The following FBXL17 variants were observed in gnomAD, a reference collection of about 807,000 sequenced individuals.
FBXL17 encodes the protein F-box/LRR-repeat protein 17.
FBXL17 carries 22 observed loss-of-function variants against 66.2 expected under a neutral mutation model. That is an observed-to-expected ratio of 0.33 (90% CI 0.24 to 0.47). The LOEUF (loss-of-function observed/expected upper bound fraction) is 0.47. Ranked by LOEUF, FBXL17 falls within the 20% of genes least tolerant of loss-of-function variation. The pLI is 1.00. For synonymous variants in FBXL17, 474 were observed against 400.5 expected (o/e 1.18, Z -2.19); for missense variants, 878 against 948.2 (o/e 0.93, Z 0.97).
chr5:107,913,301 T>G (rs1750011035), intron 7 of FBXL17, among the ~76,000 whole-genome samples: 1 of 152,066 alleles, frequency 6.6e-6, no homozygotes, highest in Non-Finnish European at 1.5e-5. Context: ...TTTGTTGCCT[T>G]AGTTACATTC....
At chr5:108,360,562 T>C (rs890553093) in intron 3 of FBXL17, among the ~76,000 whole-genome samples, 2 of 152,152 alleles carry the variant, frequency 1.3e-5, no homozygotes, top group African/African-American at 4.8e-5. Context: ...TGTCTCAGTG[T>C]ATATCTCTTT....
At chr5:107,930,122 G>C (rs1750681432) in intron 7 of FBXL17, among the ~76,000 whole-genome samples, 1 of 152,106 alleles carries the variant, frequency 6.6e-6, no homozygotes, top group African/African-American at 2.4e-5. Context: ...CAGTAATTCT[G>C]ATCTTACTTC....
intron 7 of FBXL17, among the ~76,000 whole-genome samples, chr5:107,883,888 T>C (rs1182445981): frequency 1.3e-5 from 2 of 152,068 alleles, no homozygotes; most frequent in Non-Finnish European, 2.9e-5. Context: ...GGATGAGTAA[T>C]GGTTTTCCAG....
chr5:107,967,209 A>T (rs1282748591), intron 7 of FBXL17, among the ~76,000 whole-genome samples: 1 of 151,810 alleles, frequency 6.6e-6, no homozygotes, highest in Non-Finnish European at 1.5e-5. Flanking sequence ...TATACCAAGG[A>T]GATTGAGAAT....
chr5:108,014,572 G>A (rs1363971389), intron 7 of FBXL17, among the ~76,000 whole-genome samples: 2 of 152,146 alleles, frequency 1.3e-5, no homozygotes, highest in Admixed American at 1.3e-4. Context: ...AGTTGTCACT[G>A]CTCAGTCTTT....
At chr5:108,349,530 T>C (rs1747507969) in intron 3 of FBXL17, among the ~76,000 whole-genome samples, 1 of 152,186 alleles carries the variant, frequency 6.6e-6, no homozygotes, top group African/African-American at 2.4e-5. Context: ...ACTATATTAT[T>C]ATAATCTAGG....
At chr5:108,119,861 T>C (rs1750414944) in intron 6 of FBXL17, among the ~76,000 whole-genome samples, 1 of 152,232 alleles carries the variant, frequency 6.6e-6, no homozygotes, top group South Asian at 2.1e-4. Context: ...AATTTCCATG[T>C]TACAGAACTT....
chr5:108,030,924 T>A (rs1746597098), intron 6 of FBXL17, among the ~76,000 whole-genome samples: 1 of 151,932 alleles, frequency 6.6e-6, no homozygotes, highest in South Asian at 2.1e-4. Flanking sequence ...TAGAAAAAAA[T>A]AAAGTTAGAG....
chr5:108,145,604 A>G lies in FBXL17; in HGVS notation c.1745+40513T>C, dbSNP rs559804570. Among the ~76,000 whole-genome samples the G allele has an allele frequency of 6.6e-5, 10 of 152,332 alleles. No individual in the cohort carries two copies. The East Asian group carries it at 1.2e-3, about 18-fold the overall frequency. On this transcript the variant is annotated intron_variant, in intron 6 of 8. Transcript: ENST00000542267. ...TGTTTACTATGGGGAAGTCAGGGAT[A>G]TGAAACAGGTTACATTTTTAGTCCC...
intron 5 of FBXL17, among the ~76,000 whole-genome samples, chr5:108,188,537 T>C (rs1344721832): frequency 6.6e-6 from 1 of 152,214 alleles, no homozygotes; most frequent in Non-Finnish European, 1.5e-5. Flanking sequence ...ACAAAGTTCC[T>C]ATTCAATAAC....
intron 4 of FBXL17, among the ~76,000 whole-genome samples, chr5:108,235,467 T>G (rs1197990503): frequency 6.6e-6 from 1 of 152,178 alleles, no homozygotes; most frequent in Non-Finnish European, 1.5e-5. Flanking sequence ...CAAAGATATG[T>G]CATTCTTTTC....
intron 4 of FBXL17, among the ~76,000 whole-genome samples, chr5:108,230,335 CAAT>C (rs1051740286): frequency 6.6e-6 from 1 of 152,092 alleles, no homozygotes; most frequent in Non-Finnish European, 1.5e-5. Flanking sequence ...GCCTATCAGT[CAAT>C]GAGGGGATAA....
At chr5:108,371,429 A>C (rs1173972294) in intron 1 of FBXL17, among the ~76,000 whole-genome samples, 1 of 152,272 alleles carries the variant, frequency 6.6e-6, no homozygotes, top group African/African-American at 2.4e-5. Context: ...TTATTGGCAC[A>C]CAAAACATAA....
chr5:107,981,834 T>C (rs545839612), intron 7 of FBXL17, among the ~76,000 whole-genome samples: 1 of 152,340 alleles, frequency 6.6e-6, no homozygotes, highest in African/African-American at 2.4e-5. Context: ...CCTGAATTTT[T>C]TACCCCACCA....
intron 1 of FBXL17, among the ~76,000 whole-genome samples, chr5:108,377,605 A>G (rs1225578256): frequency 6.6e-6 from 1 of 152,224 alleles, no homozygotes; most frequent in African/African-American, 2.4e-5. Context: ...TCCTAAGAAT[A>G]AATGTTTCTC....
intron 6 of FBXL17, among the ~76,000 whole-genome samples, chr5:108,138,768 C>T (rs1322889562): frequency 1.3e-5 from 2 of 152,110 alleles, no homozygotes; most frequent in African/African-American, 2.4e-5. Context: ...TCCCCACTCT[C>T]ATGGAATCCA....
At chr5:108,115,134 T>C (rs2149957676) in intron 6 of FBXL17, among the ~76,000 whole-genome samples, 1 of 152,308 alleles carries the variant, frequency 6.6e-6, no homozygotes, top group South Asian at 2.1e-4. Flanking sequence ...AGGTGTCTAT[T>C]GTCCAAGTGC....
intron 4 of FBXL17, among the ~76,000 whole-genome samples, chr5:108,228,164 T>C (rs1250905001): frequency 6.6e-6 from 1 of 152,112 alleles, no homozygotes; most frequent in Non-Finnish European, 1.5e-5. Context: ...AACAGAGCCC[T>C]GGAAAGCAAG....
At chr5:107,918,189 G>A (rs1580710910) in intron 7 of FBXL17, among the ~76,000 whole-genome samples, 2 of 152,190 alleles carry the variant, frequency 1.3e-5, no homozygotes, top group African/African-American at 4.8e-5. Flanking sequence ...AGAGCAATGG[G>A]GGCCTGCTGT....
Sources: allele counts gnomAD v4.1 joint callset (sites outside exome capture counted in the v4.1 genomes callset), GRCh38; gene constraint gnomAD v4.1.1; transcripts MANE v1.5; gene names NCBI Gene and HGNC (gene_info 2026-07-23, HGNC 2026-07-21).